The following CCDC141 variants were observed in gnomAD, a reference collection of about 807,000 sequenced individuals.
CCDC141 encodes the protein coiled-coil domain-containing protein 141.
CCDC141 carries 168 observed loss-of-function variants against 181.0 expected under a neutral mutation model. The ratio of observed to expected loss-of-function variants is 0.93; its 90% CI spans 0.82 to 1.05. The LOEUF is 1.05. CCDC141 is among the 50% of genes least tolerant of loss of function. CCDC141 has a pLI of 0.00. For synonymous variants in CCDC141, 666 were observed against 642.3 expected (o/e 1.04, Z -0.56); for missense variants, 1,902 against 1,788.5 (o/e 1.06, Z -1.14).
At chr2:179,049,059 G>T (rs900832092) in intron 1 of CCDC141, among the ~76,000 whole-genome samples, 2 of 152,152 alleles carry the variant, frequency 1.3e-5, no homozygotes, top group African/African-American at 4.8e-5. Flanking sequence ...ATCATCTAAA[G>T]CCCAAGCCTA....
At chr2:178,975,587 A>G (rs1261748976) in intron 3 of CCDC141, among the ~76,000 whole-genome samples, 1 of 152,196 alleles carries the variant, frequency 6.6e-6, no homozygotes, top group African/African-American at 2.4e-5. Flanking sequence ...AAAGCAGTCT[A>G]TACATTTACA....
chr2:178,844,942 C>A (rs1684872776), intron 22 of CCDC141, among the ~76,000 whole-genome samples: 1 of 152,160 alleles, frequency 6.6e-6, no homozygotes, highest in Admixed American at 6.6e-5. Flanking sequence ...AGAGAGTGAG[C>A]AACTTATGCT....
At chr2:178,836,360 AT>A (rs1284910400) in intron 23 of CCDC141, 1 of 153,102 alleles carries the variant, frequency 6.5e-6, no homozygotes, top group East Asian at 1.9e-4. Context: ...TGACAGAAAT[AT>A]TTATATTCCA....
intron 8 of CCDC141, among the ~76,000 whole-genome samples, chr2:178,890,814 T>C (rs1379366810): frequency 2.0e-5 from 3 of 152,200 alleles, no homozygotes; most frequent in South Asian, 2.1e-4. Flanking sequence ...ATATAGATTA[T>C]AGATGCACAC....
intron 2 of CCDC141, among the ~76,000 whole-genome samples, chr2:179,015,220 C>CATATATCTCATATATACCTCAT (rs1559049099): frequency 8.1e-6 from 1 of 124,040 alleles, no homozygotes; most frequent in African/African-American, 3.2e-5. Context: ...TCATATATCT[C>CATATATCTCATATATACCTCAT]ATATATACCT....
intron 23 of CCDC141, chr2:178,835,994 A>G (rs1684462385): frequency 6.6e-6 from 1 of 152,614 alleles, no homozygotes; most frequent in East Asian, 1.9e-4. Context: ...GGCACACACA[A>G]TAACTGAAAC....
intron 8 of CCDC141, among the ~76,000 whole-genome samples, chr2:178,898,298 G>A (rs537820574): frequency 5.9e-5 from 9 of 152,096 alleles, no homozygotes; most frequent in Non-Finnish European, 1.2e-4. Context: ...TTTCCATCAC[G>A]TTATGAGGCA....
chr2:179,047,550 T>C (rs1001003269), intron 1 of CCDC141, 144 bp from the exon 2 acceptor site: 13 of 663,932 alleles, frequency 2.0e-5, no homozygotes, highest in Admixed American at 7.7e-5. Context: ...ATTCTTTCCA[T>C]AGAGATGGGG....
chr2:179,040,668 G>T (rs1399822025), intron 2 of CCDC141, among the ~76,000 whole-genome samples: 1 of 152,132 alleles, frequency 6.6e-6, no homozygotes, highest in Non-Finnish European at 1.5e-5. Flanking sequence ...GTTTGCTAAG[G>T]ACAATGGACT....
intron 2 of CCDC141, among the ~76,000 whole-genome samples, chr2:179,040,973 T>C (rs2043280551): frequency 1.3e-5 from 2 of 152,322 alleles, no homozygotes; most frequent in Admixed American, 6.5e-5. Flanking sequence ...TCTTCTACAA[T>C]TCAACAATGA....
At chr2:178,978,434 T>A in intron 3 of CCDC141, 50 bp downstream of exon 3, 2 of 1,157,298 alleles carry the variant, frequency 1.7e-6, no homozygotes, top group East Asian at 3.1e-5. Flanking sequence ...TCAGGAGTGC[T>A]ATTCATTTGC....
chr2:178,910,491 A>C (rs1688173995), intron 7 of CCDC141, among the ~76,000 whole-genome samples: 1 of 152,194 alleles, frequency 6.6e-6, no homozygotes. Context: ...AGAGCACCAG[A>C]TTCCATTACC....
chr2:178,927,447 G>A (rs143212240), intron 6 of CCDC141, among the ~76,000 whole-genome samples: 7 of 152,176 alleles, frequency 4.6e-5, no homozygotes, highest in East Asian at 1.9e-4. Context: ...GCTGGTGAGC[G>A]TAGAGGTGGG....
intron 7 of CCDC141, among the ~76,000 whole-genome samples, chr2:178,916,624 G>A (rs917673684): frequency 1.3e-5 from 2 of 151,986 alleles, no homozygotes; most frequent in East Asian, 3.9e-4. Flanking sequence ...TTTTGCTGAG[G>A]TAGAAATATC....
At chr2:179,000,034 C>T (rs185768158) in intron 2 of CCDC141, among the ~76,000 whole-genome samples, 4 of 148,312 alleles carry the variant, frequency 2.7e-5, no homozygotes, top group African/African-American at 1.0e-4. Context: ...CATGATTCCA[C>T]TGCTCAGAGA....
At position 178,888,687 on chromosome 2, in the gene CCDC141, C is replaced by T. The variant is rs943605032; in HGVS notation, c.1266-19G>A. On this transcript the variant is annotated intron_variant, in intron 8 of 23. Transcript: ENST00000443758. ...CTGAGAGCTGAACAGAGCAAGCCAGCTGTTAATTCACTCCACCCCAATATA... is the reference window on the plus strand; with the variant it reads ...CTGAGAGCTGAACAGAGCAAGCCAGTTGTTAATTCACTCCACCCCAATATA... 4 of 1,549,908 alleles carry T rather than the reference C, an allele frequency of 2.6e-6. No individual in the cohort carries two copies. In the African/African-American group the frequency reaches 5.5e-5, roughly 21 times the overall value.
At chr2:179,012,765 C>A (rs1237355909) in intron 2 of CCDC141, among the ~76,000 whole-genome samples, 2 of 152,040 alleles carry the variant, frequency 1.3e-5, no homozygotes, top group African/African-American at 4.8e-5. Flanking sequence ...AGATAACCCA[C>A]CATGATCAAG....
chr2:179,040,419 A>G (rs574657835), intron 2 of CCDC141, among the ~76,000 whole-genome samples: 22 of 152,222 alleles, frequency 1.4e-4, no homozygotes, highest in Non-Finnish European at 2.9e-4. Context: ...CAGGATGGGC[A>G]GGTTTGTTAC....
chr2:178,986,238 C>T (rs1043804145), intron 2 of CCDC141, among the ~76,000 whole-genome samples: 1 of 152,156 alleles, frequency 6.6e-6, no homozygotes, highest in Non-Finnish European at 1.5e-5. Context: ...TCAATAGATG[C>T]AGAAAAGGCC....
Sources: allele counts gnomAD v4.1 joint callset (sites outside exome capture counted in the v4.1 genomes callset), GRCh38; gene constraint gnomAD v4.1.1; transcripts MANE v1.5; gene names NCBI Gene and HGNC (gene_info 2026-07-23, HGNC 2026-07-21).